COL5A1: variants seen among roughly 807,000 people sequenced by gnomAD.
The protein encoded by COL5A1 is collagen type V alpha 1 chain.
A neutral mutation model predicts 263.7 loss-of-function variants in COL5A1; 16 were observed. The observed-to-expected ratio is 0.06, with a 90% CI of 0.04 to 0.09. COL5A1 has a LOEUF of 0.09. Ranked by LOEUF, COL5A1 falls within the 10% of genes least tolerant of loss-of-function variation. COL5A1 has a pLI of 1.00. For missense variants in COL5A1, 2,036 were observed against 2,540.5 expected (o/e 0.80, Z 4.27); for synonymous variants, 1,012 against 1,004.5 (o/e 1.01, Z -0.14).
In COL5A1 at chr9:134,683,740, C is replaced by T. The variant is rs1276742059; in HGVS notation, c.110-7172C>T. 2.0e-5 allele frequency among the ~76,000 whole-genome samples: 3 copies of T among 152,228 alleles called. No homozygotes were observed. In the East Asian group the frequency reaches 5.8e-4, roughly 29 times the overall value. The stretch of plus-strand genomic sequence containing the variant: ...CTTTGATACTCCCTCTCCATCAGGG[C>T]CCACCCCACCTGAGAGTGGGTGCTT... On this transcript the variant is annotated intron_variant, in intron 1 of 65. Transcript: ENST00000371817.
At chr9:134,810,194 A>T (rs1838464040) in intron 43 of COL5A1, 61 bp from the exon 44 acceptor site, 1 of 1,575,618 alleles carries the variant, frequency 6.3e-7, no homozygotes, top group South Asian at 1.1e-5. Context: ...CATTACGGGG[A>T]ACAGAAAAGG....
rs1234680674 is a variant in COL5A1, at chr9:134,844,139, A to AGCTT, written c.*1837_*1840dup. The stretch of plus-strand genomic sequence containing the variant: ...CCCACCACCACCAGAATGCAGTTCC[A>AGCTT]GCTTAGGAAGCCACAAACAAGCCAC... On this transcript the variant is annotated 3_prime_UTR_variant, in exon 66 of 66. Coordinates refer to ENST00000371817, the MANE Select transcript of COL5A1 (RefSeq NM_000093.5). The AGCTT allele has an allele frequency of 1.3e-5, 2 of 152,558 alleles. No individual in the cohort carries two copies. Among genetic ancestry groups the AGCTT allele is most frequent in the African/African-American group, 2.4e-5 (1 of 41,444 alleles). The allele number at this position is 152,558 out of a possible 1,614,324, so 9.5% of individuals were successfully genotyped here. A position where few individuals can be genotyped will look rare whatever the true frequency, so the allele number is the denominator to read the frequency against.
At chr9:134,801,139 C>T (rs923798866) in intron 37 of COL5A1, among the ~76,000 whole-genome samples, 2 of 152,266 alleles carry the variant, frequency 1.3e-5, no homozygotes, top group African/African-American at 2.4e-5. Flanking sequence ...GTTATCTACG[C>T]GTGAGCATGC....
At chr9:134,760,661 A>G (rs111073277) in intron 18 of COL5A1, among the ~76,000 whole-genome samples, 6,380 of 98,386 alleles carry the variant, frequency 0.065, 323 homozygotes, top group Non-Finnish European at 0.089. Flanking sequence ...GCACACACAC[A>G]CACCACACAT....
At position 134,842,358 on chromosome 9, in the gene COL5A1, G is replaced by A. The variant is rs533831376; in HGVS notation, c.*55G>A. On this transcript the variant is annotated 3_prime_UTR_variant, in exon 66 of 66. Transcript: ENST00000371817. The surrounding 1 kb of genome is among the most constrained non-coding windows in gnomAD (Gnocchi z 5.8). Reference sequence around the variant, plus strand: ...ACCTCGTGACCTCAGCATGCCATTCGTTCGTGAGTGTCCCGTGCACGTCCT... The same window carrying A: ...ACCTCGTGACCTCAGCATGCCATTCATTCGTGAGTGTCCCGTGCACGTCCT... 5.3e-4 allele frequency: 845 copies of A among 1,601,672 alleles called. No individual in the cohort carries two copies. Among genetic ancestry groups the A allele is most frequent in the Non-Finnish European group, 6.7e-4 (786 of 1,172,962 alleles).
intron 12 of COL5A1, 70 bp from the exon 13 acceptor site, chr9:134,750,720 G>A (rs950997394): frequency 4.7e-5 from 75 of 1,597,272 alleles, no homozygotes; most frequent in Non-Finnish European, 5.9e-5. Context: ...TGTGGGCCCC[G>A]TCTCAGTCTG....
intron 43 of COL5A1, 95 bp from the exon 44 acceptor site, chr9:134,810,158 ACT>A: frequency 7.5e-7 from 1 of 1,336,186 alleles, no homozygotes; most frequent in Non-Finnish European, 1.1e-6. Flanking sequence ...TGGAAAGGAC[ACT>A]GTTCTTAATC....
intron 1 of COL5A1, among the ~76,000 whole-genome samples, chr9:134,679,700 AGGGGGCACTGCAGAGCTGGTTAC>A (rs1422248343): frequency 1.9e-5 from 1 of 52,024 alleles, no homozygotes; most frequent in African/African-American, 8.2e-5. Context: ...GGGGCTGGTT[AGGGGGCACTGCAGAGCTGGTTAC>A]GGGGCACTGT....
At position 134,680,857 on chromosome 9, in the gene COL5A1, T is replaced by C. The variant is rs1832832064; in HGVS notation, c.110-10055T>C. On this transcript the variant is annotated intron_variant, in intron 1 of 65. Transcript: ENST00000371817. This position sits in a 1 kb window ranked among gnomAD's most constrained non-coding sequence, Gnocchi z 5.9. Reference sequence around the variant, plus strand: ...AGCTTTTAGGTGGGTGCATGGAACCTGCTTTGGCGAAGTGGCAGTGAGCGC... The same window carrying C: ...AGCTTTTAGGTGGGTGCATGGAACCCGCTTTGGCGAAGTGGCAGTGAGCGC... Among the ~76,000 whole-genome samples the C allele has an allele frequency of 2.0e-5, 3 of 152,156 alleles. No homozygotes were observed. In the South Asian group the frequency reaches 6.2e-4, roughly 32 times the overall value.
At chr9:134,776,454 G>T (rs918232006) in intron 27 of COL5A1, among the ~76,000 whole-genome samples, 1 of 152,198 alleles carries the variant, frequency 6.6e-6, no homozygotes, top group African/African-American at 2.4e-5. Flanking sequence ...AATCCAGTTA[G>T]ACTTGGAAGC....
At chr9:134,753,814 C>T in intron 14 of COL5A1, 36 bp from the exon 15 acceptor site, 1 of 1,583,936 alleles carries the variant, frequency 6.3e-7, no homozygotes, top group Non-Finnish European at 8.7e-7. Context: ...GAGTCCCCAC[C>T]TCGAGCAGAC....
rs991650544 is a variant in COL5A1, at chr9:134,818,187, G to A, written c.4230+356G>A. 3.9e-5 allele frequency among the ~76,000 whole-genome samples: 6 copies of A among 152,228 alleles called. No homozygotes were observed. Among genetic ancestry groups the A allele is most frequent in the African/African-American group, 1.2e-4 (5 of 41,462 alleles). ...GAGCCGCCTACCTCTGAAGTGGACC[G>A]TGTCCGATGGTGACCGTGTCTGCTG... On this transcript the variant is annotated intron_variant, in intron 54 of 65. Transcript: ENST00000371817. This position sits in a 1 kb window ranked among gnomAD's most constrained non-coding sequence, Gnocchi z 6.0.
intron 64 of COL5A1, among the ~76,000 whole-genome samples, chr9:134,833,577 C>G (rs1839731652): frequency 6.7e-6 from 1 of 149,206 alleles, no homozygotes. Flanking sequence ...GAGGAGTGGT[C>G]TTTCTTGAGT....
intron 65 of COL5A1, among the ~76,000 whole-genome samples, chr9:134,840,627 C>A (rs1839992181): frequency 6.6e-6 from 1 of 152,154 alleles, no homozygotes; most frequent in Admixed American, 6.5e-5. Flanking sequence ...CCATTCGCTG[C>A]CACGACAAAT....
At chr9:134,721,802 A>G (rs1317532358) in intron 4 of COL5A1, among the ~76,000 whole-genome samples, 1 of 152,186 alleles carries the variant, frequency 6.6e-6, no homozygotes, top group Non-Finnish European at 1.5e-5. Flanking sequence ...CCTGGAGCAG[A>G]TCCCTCACTA....
chr9:134,798,374 G>A lies in COL5A1; in HGVS notation c.2899-34G>A, dbSNP rs778232263. The stretch of plus-strand genomic sequence containing the variant: ...TCAAAGGTGGTTGCTTCTCAGACAC[G>A]AATGAACCTCCTTTCCTTTGGTTTT... On this transcript the variant is annotated intron_variant, in intron 36 of 65. Transcript: ENST00000371817. The A allele has an allele frequency of 1.4e-5, 23 of 1,610,206 alleles. No individual in the cohort carries two copies. The East Asian group carries it at 4.0e-4, about 28-fold the overall frequency.
rs750707146 is a variant in COL5A1 at position 134,727,317 on chromosome 9, T to C, written c.706T>C (p.Tyr236His). Residue 236 changes from tyrosine (Y) to histidine (H), a missense_variant, in exon 5 of 66, where the codon TAC becomes CAC. Tyr to His is a moderately conservative substitution (Grantham distance 83). Transcript: ENST00000371817. ...FVSDHRAAYD[Y>H]CEHYSPDCDT... The stretch of plus-strand genomic sequence containing the variant: ...CTCGGACCACCGGGCAGCTTATGAT[T>C]ACTGTGAGCACTACAGCCCTGACTG... 1 of 1,614,060 alleles carries C rather than the reference T, an allele frequency of 6.2e-7. No homozygotes were observed. The highest frequency in any genetic ancestry group is 8.5e-7 in the Non-Finnish European group (1 of 1,179,976).
intron 59 of COL5A1, among the ~76,000 whole-genome samples, 169 bp downstream of exon 59, chr9:134,822,319 A>G (rs1839040373): frequency 6.6e-6 from 1 of 152,130 alleles, no homozygotes; most frequent in South Asian, 2.1e-4. Flanking sequence ...GTTCCAGGAG[A>G]CAGAAGAAAG....
chr9:134,693,849 G>C (rs997952478), intron 2 of COL5A1, among the ~76,000 whole-genome samples: 8 of 152,138 alleles, frequency 5.3e-5, no homozygotes, highest in Non-Finnish European at 8.8e-5. Context: ...CACAGGAAAG[G>C]GCTGTTTGCT....
Sources: gnomAD v4.1 joint callset for allele counts (sites outside exome capture counted in the v4.1 genomes callset) on GRCh38, gnomAD v4.1.1 for gene constraint, Gnocchi (gnomAD v3.1) non-coding constraint, MANE v1.5 for transcripts, NCBI Gene and HGNC (gene_info 2026-07-23, HGNC 2026-07-21) for gene names.